Variants in MICB observed in about 807,000 individuals in gnomAD.
The protein encoded by MICB is MHC class I antigen-related protein B.
MICB carries 27 observed loss-of-function variants against 34.3 expected under a neutral mutation model. The ratio of observed to expected loss-of-function variants is 0.79; its 90% CI spans 0.58 to 1.08. MICB has a LOEUF of 1.08. Among genes scored for constraint, MICB ranks in the 50% least tolerant of loss-of-function variants. The pLI is 0.00. For missense variants in MICB, 426 were observed against 483.1 expected (o/e 0.88, Z 1.11); for synonymous variants, 153 against 187.4 (o/e 0.82, Z 1.50).
intron 5 of MICB, 75 bp from the exon 6 acceptor site, chr6:31,509,707 A>G: frequency 6.1e-6 from 9 of 1,463,970 alleles, no homozygotes; most frequent in Non-Finnish European, 8.2e-6. Flanking sequence ...GGGGCAACTG[A>G]AGAGAGAAAA....
chr6:31,504,720 G>A (rs1002009311), intron 1 of MICB, among the ~76,000 whole-genome samples: 10 of 152,152 alleles, frequency 6.6e-5, no homozygotes, highest in South Asian at 6.2e-4. Context: ...GTGCTTTGGC[G>A]TCATATCCAT....
At chr6:31,501,843 T>C (rs1367593665) in intron 1 of MICB, among the ~76,000 whole-genome samples, 1 of 152,216 alleles carries the variant, frequency 6.6e-6, no homozygotes, top group Admixed American at 6.5e-5. Flanking sequence ...AGCTCTGTAG[T>C]ATAATTTGAA....
intron 5 of MICB, among the ~76,000 whole-genome samples, chr6:31,508,448 G>C (rs1351239991): frequency 6.6e-6 from 1 of 152,240 alleles, no homozygotes. Flanking sequence ...GGAGACCTGA[G>C]TCTGGCGGTA....
intron 1 of MICB, among the ~76,000 whole-genome samples, chr6:31,499,682 G>A (rs961842478): frequency 7.2e-5 from 11 of 151,978 alleles, no homozygotes; most frequent in African/African-American, 2.4e-4. Context: ...GCCTGCTCTG[G>A]GCCCTGCCTC....
In MICB at chr6:31,506,354, C is replaced by CTA; in HGVS notation, c.539_540dup (p.Arg181IlefsTer16). 6.2e-7 allele frequency: 1 copy of CTA among 1,614,204 alleles called. No homozygotes were observed. Among genetic ancestry groups the CTA allele is most frequent in the Non-Finnish European group, 8.5e-7 (1 of 1,180,038 alleles). ...AAGATGCCATGAAGACCAAGACACA[C>CTA]TATCGCGCTATGCAGGCAGACTGCC... On this transcript the variant is annotated frameshift_variant, in exon 3 of 6. Coordinates refer to ENST00000252229, the MANE Select transcript of MICB (RefSeq NM_005931.5). LOFTEE classifies it high-confidence loss of function.
In MICB at chr6:31,509,866, T is replaced by C. The variant is rs1237091349; in HGVS notation, c.1109T>C (p.Leu370Pro). The C allele has an allele frequency of 2.5e-6, 4 of 1,613,676 alleles. No individual in the cohort carries two copies. The highest frequency in any genetic ancestry group is 3.3e-5 in the Admixed American group (2 of 59,974). The part of the protein sequence containing the change: ...RDAAQLGFQP[L>P]MSATGSTGST... ...GCAGCACAGCTGGGATTTCAGCCTC[T>C]GATGTCAGCTACTGGGTCCACTGGT... The change falls in exon 6 of 6, where the codon CTG becomes CCG. Residue 370 changes from leucine to proline, a missense_variant. Leu to Pro is a moderately conservative substitution (Grantham distance 98). Coordinates refer to ENST00000252229, the MANE Select transcript of MICB (RefSeq NM_005931.5).
At chr6:31,506,740 T>C (rs1211558286) in intron 3 of MICB, among the ~76,000 whole-genome samples, 6 of 152,024 alleles carry the variant, frequency 3.9e-5, no homozygotes, top group Admixed American at 2.6e-4. Context: ...GGCCTGCCCA[T>C]CCCGGAGAGT....
upstream of MICB, among the ~76,000 whole-genome samples, chr6:31,496,457 C>G (rs1455600387): frequency 6.7e-6 from 1 of 149,848 alleles, no homozygotes; most frequent in Non-Finnish European, 1.5e-5. Context: ...AGCTCCGCCT[C>G]CCGGGTTGAC....
upstream of MICB, among the ~76,000 whole-genome samples, chr6:31,497,763 G>A (rs1465707673): frequency 6.6e-6 from 1 of 152,148 alleles, no homozygotes; most frequent in Non-Finnish European, 1.5e-5. Context: ...AGTGAGAGCC[G>A]GCCTGATGGG....
intron 1 of MICB, 81 bp downstream of exon 1, chr6:31,498,344 C>A: frequency 8.3e-7 from 1 of 1,211,534 alleles, no homozygotes; most frequent in Non-Finnish European, 1.1e-6. Flanking sequence ...GCCGCGAGCG[C>A]TGTGCGGTCA....
chr6:31,499,024 T>C (rs1365319639), intron 1 of MICB, among the ~76,000 whole-genome samples: 3 of 149,064 alleles, frequency 2.0e-5, no homozygotes, highest in African/African-American at 7.8e-5. Flanking sequence ...CCGGAGCCGA[T>C]GTGTTCTCAG....
intron 1 of MICB, among the ~76,000 whole-genome samples, chr6:31,504,210 G>T (rs182102421): frequency 7.5e-6 from 1 of 134,136 alleles, no homozygotes; most frequent in Admixed American, 7.5e-5. Flanking sequence ...TGTTGTTTTT[G>T]TCAAACTTTT....
chr6:31,504,254 C>CTTTTTTTTTTTTTTTTT (rs9281513), intron 1 of MICB, among the ~76,000 whole-genome samples: 1 of 60,268 alleles, frequency 1.7e-5, no homozygotes, highest in Non-Finnish European at 2.9e-5. Context: ...CTCTCTTTTT[C>CTTTTTTTTTTTTTTTTT]TTTTTTTTTT....
At chr6:31,506,961 G>C in intron 3 of MICB, 61 bp from the exon 4 acceptor site, 3 of 1,574,470 alleles carry the variant, frequency 1.9e-6, no homozygotes, top group Non-Finnish European at 2.6e-6. Context: ...GAGCAGCCCT[G>C]TTCCCTGCAT....
At chr6:31,496,187 A>G (rs1310047282), upstream of MICB, among the ~76,000 whole-genome samples, 4 of 144,840 alleles carry the variant, frequency 2.8e-5, no homozygotes, top group African/African-American at 1.0e-4. Context: ...TGCGCTGGGG[A>G]CAAGCCAATT....
chr6:31,508,026 G>T (rs1420879130), intron 5 of MICB, among the ~76,000 whole-genome samples: 2 of 152,144 alleles, frequency 1.3e-5, no homozygotes, highest in African/African-American at 2.4e-5. Context: ...CACTTTCCAG[G>T]TTCCCACTAC....
rs762299224 is a variant in MICB at position 31,506,327 on chromosome 6, G to A, written c.510G>A (p.Lys170=). The A allele has an allele frequency of 6.2e-6, 10 of 1,614,238 alleles. No homozygotes were observed. Among genetic ancestry groups the A allele is most frequent in the East Asian group, 2.2e-5 (1 of 44,886 alleles). ...CTATGAACGTCACAAATTTCTGGAA[G>A]GAAGATGCCATGAAGACCAAGACAC... ...TLAMNVTNFW[K]EDAMKTKTHY... Residue 170 remains lysine (K), a synonymous_variant, in exon 3 of 6, where the codon AAG becomes AAA. Coordinates refer to ENST00000252229, the MANE Select transcript of MICB (RefSeq NM_005931.5).
chr6:31,502,995 T>C (rs1423459441), intron 1 of MICB, among the ~76,000 whole-genome samples: 1 of 152,242 alleles, frequency 6.6e-6, no homozygotes, highest in Non-Finnish European at 1.5e-5. Context: ...TCAATTGAAA[T>C]GGTGATATGG....
intron 1 of MICB, among the ~76,000 whole-genome samples, chr6:31,499,548 C>CA (rs146513023): frequency 2.0e-5 from 3 of 151,630 alleles, no homozygotes; most frequent in South Asian, 2.1e-4. Flanking sequence ...GCCTTTTGTC[C>CA]GGGGGGGTCT....
Sources: gnomAD v4.1 joint callset for allele counts (sites outside exome capture counted in the v4.1 genomes callset) on GRCh38, gnomAD v4.1.1 for gene constraint, MANE v1.5 for transcripts, NCBI Gene and HGNC (gene_info 2026-07-23, HGNC 2026-07-21) for gene names.